The following IL1RAP variants were observed in gnomAD, a reference collection of about 807,000 sequenced individuals.
IL1RAP encodes interleukin 1 receptor accessory protein.
A neutral mutation model predicts 60.7 loss-of-function variants in IL1RAP; 35 were observed. That is an observed-to-expected ratio of 0.58 (90% CI 0.44 to 0.76). The LOEUF is 0.76. Ranked by LOEUF, IL1RAP falls within the 30% of genes least tolerant of loss-of-function variation. IL1RAP has a pLI of 0.00. For missense variants in IL1RAP, 572 were observed against 693.9 expected (o/e 0.82, Z 1.97); for synonymous variants, 268 against 250.9 (o/e 1.07, Z -0.64).
At chr3:190,564,110 A>G (rs1041809823) in intron 2 of IL1RAP, 179 bp from the exon 3 acceptor site, 8 of 569,516 alleles carry the variant, frequency 1.4e-5, no homozygotes, top group Non-Finnish European at 3.2e-6. Context: ...AACAACAAAA[A>G]AACAGAAACA....
intron 6 of IL1RAP, among the ~76,000 whole-genome samples, chr3:190,620,994 T>C (rs1731729636): frequency 6.6e-6 from 1 of 152,114 alleles, no homozygotes; most frequent in East Asian, 1.9e-4. Flanking sequence ...GAATAGGGGG[T>C]GAGAAACTAG....
chr3:190,559,640 A>G (rs1016691091), intron 2 of IL1RAP, among the ~76,000 whole-genome samples: 6 of 152,118 alleles, frequency 3.9e-5, no homozygotes, highest in African/African-American at 1.4e-4. Context: ...ACCCATATAT[A>G]CTTTATTTTA....
intron 1 of IL1RAP, among the ~76,000 whole-genome samples, chr3:190,551,156 A>G (rs2108589327): frequency 6.6e-6 from 1 of 152,318 alleles, no homozygotes; most frequent in African/African-American, 2.4e-5. Context: ...TTCTCTACTG[A>G]CCACAGGTCA....
At chr3:190,524,804 G>A (rs1577500182) in intron 1 of IL1RAP, among the ~76,000 whole-genome samples, 2 of 151,842 alleles carry the variant, frequency 1.3e-5, no homozygotes, top group East Asian at 1.9e-4. Context: ...AGATAGAACC[G>A]GATAAGACAG....
At chr3:190,522,415 CTATG>C (rs369803038) in intron 1 of IL1RAP, among the ~76,000 whole-genome samples, 195 of 118,248 alleles carry the variant, frequency 1.6e-3, no homozygotes, top group African/African-American at 6.7e-3. Flanking sequence ...ATCTATGTAT[CTATG>C]TATCTATCTA....
chr3:190,545,658 T>C (rs1304205416), intron 1 of IL1RAP, among the ~76,000 whole-genome samples: 1 of 152,164 alleles, frequency 6.6e-6, no homozygotes, highest in African/African-American at 2.4e-5. Flanking sequence ...TATTATGAGA[T>C]TTGGTGTCAA....
chr3:190,639,584 T>C (rs1733495207), intron 9 of IL1RAP, among the ~76,000 whole-genome samples: 1 of 152,212 alleles, frequency 6.6e-6, no homozygotes, highest in African/African-American at 2.4e-5. Context: ...TCCACCACTT[T>C]TGTCAATTTT....
chr3:190,555,172 G>C (rs1316305541), intron 1 of IL1RAP, among the ~76,000 whole-genome samples: 2 of 152,108 alleles, frequency 1.3e-5, no homozygotes, highest in African/African-American at 4.8e-5. Context: ...TCCTAACCTG[G>C]AGGTGACTGG....
intron 9 of IL1RAP, 152 bp from the exon 10 acceptor site, chr3:190,644,096 A>C: frequency 7.2e-7 from 1 of 1,386,790 alleles, no homozygotes. Context: ...GTATTTTAAA[A>C]TAGTGCTAAA....
At chr3:190,575,868 C>T (rs1727399466) in intron 3 of IL1RAP, among the ~76,000 whole-genome samples, 1 of 152,174 alleles carries the variant, frequency 6.6e-6, no homozygotes, top group Admixed American at 6.5e-5. Context: ...GCTAGAAATG[C>T]TGCATTTAAA....
rs1188889804 is a variant in IL1RAP at position 190,568,356 on chromosome 3, AG to A, written c.64+4005del. The stretch of plus-strand genomic sequence containing the variant: ...ATAGCCTGGCTTGCCTGATAGAGCC[AG>A]GCTGCCTTGACTCCAGAAACAGTGC... On this transcript the variant is annotated intron_variant, in intron 3 of 11. Coordinates refer to ENST00000447382, the MANE Select transcript of IL1RAP (RefSeq NM_002182.4). 3.3e-5 allele frequency among the ~76,000 whole-genome samples: 5 copies of A among 152,310 alleles called. No individual in the cohort carries two copies. The East Asian group carries it at 9.7e-4, about 29-fold the overall frequency.
At chr3:190,541,029 AC>A (rs1723892129) in intron 1 of IL1RAP, among the ~76,000 whole-genome samples, 1 of 152,112 alleles carries the variant, frequency 6.6e-6, no homozygotes, top group Non-Finnish European at 1.5e-5. Context: ...CAGAGGAAAA[AC>A]AAACTTCACA....
intron 5 of IL1RAP, among the ~76,000 whole-genome samples, chr3:190,616,464 T>C (rs796126005): frequency 1.8e-4 from 27 of 152,240 alleles, no homozygotes; most frequent in African/African-American, 6.3e-4. Flanking sequence ...CCTAACCCAG[T>C]GCCTGGCCCA....
chr3:190,572,055 G>A (rs1293775504), intron 3 of IL1RAP, among the ~76,000 whole-genome samples: 1 of 151,744 alleles, frequency 6.6e-6, no homozygotes, highest in East Asian at 1.9e-4. Flanking sequence ...TTTTTTCAAG[G>A]GGGAGAAATC....
intron 11 of IL1RAP, among the ~76,000 whole-genome samples, chr3:190,647,650 C>T (rs1734107730): frequency 2.0e-5 from 3 of 152,200 alleles, no homozygotes; most frequent in African/African-American, 7.2e-5. Flanking sequence ...AAAGATCCAG[C>T]GATTAATTTA....
At chr3:190,579,735 C>A (rs1727822872) in intron 3 of IL1RAP, among the ~76,000 whole-genome samples, 1 of 152,142 alleles carries the variant, frequency 6.6e-6, no homozygotes, top group African/African-American at 2.4e-5. Context: ...AATCCACAAC[C>A]CATTCTCCCC....
At chr3:190,573,096 C>T (rs147346019) in intron 3 of IL1RAP, among the ~76,000 whole-genome samples, 23,550 of 136,966 alleles carry the variant, frequency 0.17, 7,078 homozygotes, top group East Asian at 0.27. Flanking sequence ...ATCTCCTGAC[C>T]TCGTGATCCG....
chr3:190,581,910 A>G (rs1357802172), intron 3 of IL1RAP, among the ~76,000 whole-genome samples: 1 of 152,180 alleles, frequency 6.6e-6, no homozygotes, highest in Non-Finnish European at 1.5e-5. Context: ...CCTGCTATTC[A>G]CCGTGACTCA....
At position 190,557,160 on chromosome 3, in the gene IL1RAP, C is replaced by T. The variant is rs1240933752; in HGVS notation, c.-2+944C>T. ...CTAAGAGGTCAGTATGAATATTCCTCACCTCTTCTCTCAGGCTCTCCAGTA... is the reference window on the plus strand; with the variant it reads ...CTAAGAGGTCAGTATGAATATTCCTTACCTCTTCTCTCAGGCTCTCCAGTA... On this transcript the variant is annotated intron_variant, in intron 2 of 11. Transcript: ENST00000447382. 2.6e-5 allele frequency among the ~76,000 whole-genome samples: 4 copies of T among 152,162 alleles called. No individual in the cohort carries two copies. The South Asian group carries it at 8.3e-4, about 32-fold the overall frequency.
Sources: allele counts gnomAD v4.1 joint callset (sites outside exome capture counted in the v4.1 genomes callset), GRCh38; gene constraint gnomAD v4.1.1; transcripts MANE v1.5; gene names NCBI Gene and HGNC (gene_info 2026-07-23, HGNC 2026-07-21).